The following STARD9 variants were observed in gnomAD, a reference collection of about 807,000 sequenced individuals.
STARD9 encodes stAR-related lipid transfer protein 9.
In STARD9, 346 loss-of-function variants were observed where a neutral mutation model predicts 399.8. That is an observed-to-expected ratio of 0.87 (90% CI 0.79 to 0.95). The LOEUF is 0.95. STARD9 is among the 40% of genes least tolerant of loss of function. STARD9 has a pLI of 0.00. For missense variants in STARD9, 5,832 were observed against 5,667.5 expected, an observed-to-expected ratio of 1.03 and a Z score of -0.93; for synonymous variants, 2,203 against 2,143.5, an observed-to-expected ratio of 1.03 and a Z score of -0.77.
At chr15:42,581,888 T>G (rs1345908724) in intron 1 of STARD9, among the ~76,000 whole-genome samples, 1 of 152,180 alleles carries the variant, frequency 6.6e-6, no homozygotes, top group African/African-American at 2.4e-5. Flanking sequence ...GTGTGGCTTA[T>G]GCCTGTAATC....
At position 42,694,348 on chromosome 15, in the gene STARD9, G is replaced by A. The variant is rs2060790887; in HGVS notation, c.12764+6G>A. The A allele has an allele frequency of 1.3e-6, 2 of 1,532,220 alleles. No individual in the cohort carries two copies. The highest frequency in any genetic ancestry group is 1.7e-6 in the Non-Finnish European group (2 of 1,144,148). The allele number at this position is 1,532,220 out of a possible 1,614,324, so 94.9% of individuals were successfully genotyped here. A position where few individuals can be genotyped will look rare whatever the true frequency, so the allele number is the denominator to read the frequency against. On this transcript the variant is annotated splice_donor_region_variant and intron_variant, in intron 23 of 32. Transcript: ENST00000290607. ...TGGAAGGAGCTCTATGCACGGTAAG[G>A]ACCCCCAGCCTGGAGTCGGGAGGGG... is the stretch of plus-strand genomic sequence containing the variant.
intron 4 of STARD9, among the ~76,000 whole-genome samples, chr15:42,635,565 G>A (rs796232689): frequency 1.4e-4 from 22 of 152,110 alleles, no homozygotes; most frequent in African/African-American, 4.8e-4. Flanking sequence ...TCCTCATCTC[G>A]TGATCTGCCC....
Position 42,693,329 on chromosome 15 carries a change from T to C in STARD9, c.11751T>C (p.Ser3917=), listed in dbSNP as rs1281189130. 44 of 1,537,010 alleles carry C rather than the reference T, an allele frequency of 2.9e-5. No homozygotes were observed. The highest frequency in any genetic ancestry group is 3.3e-5 in the Non-Finnish European group (38 of 1,146,904). The stretch of plus-strand genomic sequence containing the variant: ...AAGAGCCGGGTCTTTCCCCAGGCTC[T>C]TTGACCCTCTCAGCCCCTTCAACTC... The part of the protein sequence containing the change: ...STQEPGLSPG[S]LTLSAPSTHP... The change falls in exon 23 of 33, where the codon TCT becomes TCC. Residue 3917 remains serine (S), a synonymous_variant. Coordinates refer to ENST00000290607, the MANE Select transcript of STARD9 (RefSeq NM_020759.3).
chr15:42,686,621 C>T lies in STARD9; in HGVS notation c.5043C>T (p.Val1681=). 1 of 1,537,272 alleles carries T rather than the reference C, an allele frequency of 6.5e-7. No homozygotes were observed. Among genetic ancestry groups the T allele is most frequent in the African/African-American group, 1.4e-5 (1 of 73,158 alleles). Residue 1681 remains valine, a synonymous_variant, in exon 23 of 33, where the codon GTC becomes GTT. Coordinates refer to ENST00000290607, the MANE Select transcript of STARD9 (RefSeq NM_020759.3). ...CTCCTCTCAGGAAAAATAGTGCAGT[C>T]CAGCCAGGGCAATTAAGTCCCGACA... ...GWAPLRKNSA[V]QPGQLSPDSH...
At chr15:42,681,166 C>G (rs1193720906) in intron 20 of STARD9, among the ~76,000 whole-genome samples, 1 of 152,148 alleles carries the variant, frequency 6.6e-6, no homozygotes, top group Non-Finnish European at 1.5e-5. Context: ...TTTTCCTTAA[C>G]TAAAATGGAT....
intron 9 of STARD9, among the ~76,000 whole-genome samples, chr15:42,656,327 TAAAAAAA>T (rs869264641): frequency 2.3e-4 from 8 of 35,310 alleles, no homozygotes; most frequent in African/African-American, 5.4e-4. Context: ...AGCCATCTCC[TAAAAAAA>T]AAAAAAAAAA....
chr15:42,686,653 A>G lies in STARD9; in HGVS notation c.5075A>G (p.Tyr1692Cys), dbSNP rs1410455335. 57 of 1,537,478 alleles carry G rather than the reference A, an allele frequency of 3.7e-5. No individual in the cohort carries two copies. The highest frequency in any genetic ancestry group is 4.9e-5 in the Non-Finnish European group (56 of 1,146,998). The change falls in exon 23 of 33, where the codon TAC becomes TGC. Residue 1692 changes from tyrosine (Y) to cysteine (C), a missense_variant. Tyr to Cys is a radical substitution (Grantham distance 194, BLOSUM62 -2). Transcript: ENST00000290607. ...QPGQLSPDSH[Y>C]PLEEEKTDCQ... ...GGGCAATTAAGTCCCGACAGCCACT[A>G]CCCACTAGAGGAAGAGAAGACAGAT...
At chr15:42,712,096 T>TATATATATATATAAAATATAAAATATA in intron 26 of STARD9, among the ~76,000 whole-genome samples, 1 of 508 alleles carries the variant, frequency 2.0e-3, no homozygotes, top group Non-Finnish European at 6.0e-3. Flanking sequence ...TATATATATA[T>TATATATATATATAAAATATAAAATATA]AATATATAAT....
chr15:42,675,676 C>T lies in STARD9; in HGVS notation c.1700C>T (p.Thr567Ile), dbSNP rs2060295658. The part of the protein sequence containing the change: ...SCRLTQGAVI[T>I]LGKAQKFRFN... ...CTCTGTGCTGCAGGAGCTGTCATAACCCTGGGGAAGGCACAGAAGTTCCGA... is the reference window on the plus strand; with the variant it reads ...CTCTGTGCTGCAGGAGCTGTCATAATCCTGGGGAAGGCACAGAAGTTCCGA... The change falls in exon 19 of 33, where the codon ACC (threonine) becomes ATC (isoleucine). Residue 567 changes from threonine (T) to isoleucine (I), a missense_variant. Thr to Ile is a moderately conservative substitution (Grantham distance 89). Transcript: ENST00000290607. The T allele has an allele frequency of 1.3e-6, 2 of 1,536,874 alleles. No homozygotes were observed. Among genetic ancestry groups the T allele is most frequent in the African/African-American group, 1.4e-5 (1 of 73,036 alleles).
At position 42,674,889 on chromosome 15, in the gene STARD9, G is replaced by A. The variant is rs199602888; in HGVS notation, c.1612G>A (p.Val538Ile). The A allele has an allele frequency of 3.9e-6, 6 of 1,537,088 alleles. No individual in the cohort carries two copies. The highest frequency in any genetic ancestry group is 2.4e-5 in the East Asian group (1 of 40,916). ...TATCACCAGTGCCTGTGGTGTAGTT[G>A]TTCTACGACCTGCCCGTGGGGCCCG... is the stretch of plus-strand genomic sequence containing the variant. ...CTITSACGVV[V>I]LRPARGARCT... Residue 538 changes from valine (V) to isoleucine (I), a missense_variant, in exon 18 of 33, where the codon GTT (valine) becomes ATT (isoleucine). Val to Ile is a conservative substitution (Grantham distance 29). This residue lies in a region of STARD9 where 5,828 missense variants were observed against 5,651.1 expected (regional missense o/e 1.03). Coordinates refer to ENST00000290607, the MANE Select transcript of STARD9 (RefSeq NM_020759.3).
At chr15:42,655,522 T>G (rs949408663) in intron 9 of STARD9, among the ~76,000 whole-genome samples, 1 of 152,170 alleles carries the variant, frequency 6.6e-6, no homozygotes, top group Non-Finnish European at 1.5e-5. Flanking sequence ...GCTGGGATAA[T>G]TGGCAAGCCA....
intron 26 of STARD9, among the ~76,000 whole-genome samples, chr15:42,711,950 C>T (rs1023761010): frequency 2.1e-5 from 3 of 144,716 alleles, no homozygotes; most frequent in African/African-American, 7.7e-5. Context: ...TCTCCGTCCT[C>T]ACCAACAGTT....
At chr15:42,601,349 C>T (rs2058620737) in intron 3 of STARD9, among the ~76,000 whole-genome samples, 2 of 152,312 alleles carry the variant, frequency 1.3e-5, no homozygotes, top group Non-Finnish European at 2.9e-5. Context: ...CCGCCATCGT[C>T]ATCATGGCCC....
At position 42,685,830 on chromosome 15, in the gene STARD9, G is replaced by A; in HGVS notation, c.4252G>A (p.Ala1418Thr). The part of the protein sequence containing the change: ...SARDEHTASA[A>T]DTSRLSLWGI... ...AAGAGATGAGCACACAGCCTCTGCT[G>A]CTGATACGTCTAGGCTGTCTCTCTG... Residue 1418 changes from alanine (A) to threonine (T), a missense_variant, in exon 23 of 33, where the codon GCT becomes ACT. Ala to Thr is a moderately conservative substitution (Grantham distance 58). This residue lies in a region of STARD9 where 5,828 missense variants were observed against 5,651.1 expected (regional missense o/e 1.03). Coordinates refer to ENST00000290607, the MANE Select transcript of STARD9 (RefSeq NM_020759.3). 3 of 1,537,152 alleles carry A rather than the reference G, an allele frequency of 2.0e-6. No individual in the cohort carries two copies. Among genetic ancestry groups the A allele is most frequent in the Non-Finnish European group, 2.6e-6 (3 of 1,146,942 alleles).
intron 26 of STARD9, among the ~76,000 whole-genome samples, chr15:42,702,074 C>T (rs979582796): frequency 6.6e-6 from 1 of 151,640 alleles, no homozygotes; most frequent in Non-Finnish European, 1.5e-5. Flanking sequence ...ATATCCCCTT[C>T]CTCGCTAACA....
chr15:42,629,142 C>T (rs1433594540), intron 3 of STARD9, among the ~76,000 whole-genome samples: 1 of 152,128 alleles, frequency 6.6e-6, no homozygotes, highest in Non-Finnish European at 1.5e-5. Context: ...ACCTCAGCCT[C>T]CCAAGTAGCC....
chr15:42,594,898 A>G (rs2058473690), intron 3 of STARD9, among the ~76,000 whole-genome samples: 1 of 152,254 alleles, frequency 6.6e-6, no homozygotes, highest in Non-Finnish European at 1.5e-5. Flanking sequence ...ACCTGTTGTT[A>G]TGCGTTCTCT....
chr15:42,584,238 CTT>C (rs1446259528), intron 2 of STARD9, among the ~76,000 whole-genome samples: 1 of 152,134 alleles, frequency 6.6e-6, no homozygotes, highest in Non-Finnish European at 1.5e-5. Context: ...TGCCTGCTCT[CTT>C]GTTACTCCTG....
Position 42,613,751 on chromosome 15 carries a change from G to C in STARD9, c.235-21105G>C, listed in dbSNP as rs1422143116. Among the ~76,000 whole-genome samples, 3 of 151,800 alleles carry C rather than the reference G, an allele frequency of 2.0e-5. No individual in the cohort carries two copies. The East Asian group carries it at 5.9e-4, about 30-fold the overall frequency. On this transcript the variant is annotated intron_variant, in intron 3 of 32. Transcript: ENST00000290607. ...AGGTTGAGGCGGGTGGATCATCTGA[G>C]GTCAGGAGTTTGAGACCAGCCTGGC... is the stretch of plus-strand genomic sequence containing the variant.
Sources: gnomAD v4.1 joint callset for allele counts (sites outside exome capture counted in the v4.1 genomes callset) on GRCh38, gnomAD v4.1.1 for gene constraint, gnomAD v4.1.1 regional missense constraint, MANE v1.5 for transcripts, NCBI Gene and HGNC (gene_info 2026-07-23, HGNC 2026-07-21) for gene names.